Variants in RASAL2 observed in about 807,000 individuals in gnomAD.
The protein encoded by RASAL2 is RAS protein activator like 2, also known as ras GTPase-activating protein nGAP.
Under a neutral mutation model 128.9 loss-of-function variants are expected in RASAL2, and 58 were observed. The ratio of observed to expected loss-of-function variants is 0.45; its 90% CI spans 0.36 to 0.56. The LOEUF is 0.56. RASAL2 is among the 20% of genes least tolerant of loss of function. The probability of loss-of-function intolerance (pLI) is 0.00; values close to 1 mark genes in which losing one functional copy is unlikely to be tolerated. For synonymous variants in RASAL2, 561 were observed against 580.8 expected (o/e 0.97, Z 0.49); for missense variants, 1,360 against 1,601.6 (o/e 0.85, Z 2.57).
At chr1:178,267,393 G>T (rs1439605309) in intron 1 of RASAL2, among the ~76,000 whole-genome samples, 5 of 151,070 alleles carry the variant, frequency 3.3e-5, no homozygotes, top group African/African-American at 4.9e-5. Flanking sequence ...TTGGTGATTG[G>T]TTGGTTTGTT....
chr1:178,253,529 G>A (rs1324689332), intron 1 of RASAL2, among the ~76,000 whole-genome samples: 1 of 152,176 alleles, frequency 6.6e-6, no homozygotes, highest in Non-Finnish European at 1.5e-5. Flanking sequence ...CAGGCTTTGT[G>A]TGAACAATAA....
chr1:178,401,299 G>T (rs149444305), intron 4 of RASAL2, among the ~76,000 whole-genome samples: 33 of 152,276 alleles, frequency 2.2e-4, no homozygotes, highest in African/African-American at 6.5e-4. Context: ...TTTATAAAGG[G>T]TCTACAATAA....
chr1:178,273,616 T>A (rs551808926), intron 1 of RASAL2, among the ~76,000 whole-genome samples: 2 of 152,274 alleles, frequency 1.3e-5, no homozygotes, highest in South Asian at 4.1e-4. Flanking sequence ...GGAAATTAAT[T>A]TGGAGTTTTA....
chr1:178,308,055 T>C (rs1379382101), intron 3 of RASAL2, among the ~76,000 whole-genome samples: 1 of 152,210 alleles, frequency 6.6e-6, no homozygotes, highest in East Asian at 1.9e-4. Flanking sequence ...TAATATATTA[T>C]AATAAAATAT....
chr1:178,144,379 A>T (rs1214593350), intron 1 of RASAL2, among the ~76,000 whole-genome samples: 1 of 152,222 alleles, frequency 6.6e-6, no homozygotes, highest in East Asian at 1.9e-4. Context: ...TTTAAAAATC[A>T]TGTTATTCTG....
chr1:178,430,185 A>T (rs1675795084), intron 5 of RASAL2, among the ~76,000 whole-genome samples: 1 of 152,090 alleles, frequency 6.6e-6, no homozygotes, highest in Admixed American at 6.6e-5. Context: ...ATAATAAAGA[A>T]TTACAATCTT....
chr1:178,125,895 A>T (rs1259451324), intron 1 of RASAL2, among the ~76,000 whole-genome samples: 2 of 152,194 alleles, frequency 1.3e-5, no homozygotes, highest in African/African-American at 4.8e-5. Flanking sequence ...TGTATTGTTG[A>T]TATAGTACAT....
At chr1:178,214,302 TA>T (rs1663354743) in intron 1 of RASAL2, among the ~76,000 whole-genome samples, 1 of 152,076 alleles carries the variant, frequency 6.6e-6, no homozygotes, top group Non-Finnish European at 1.5e-5. Context: ...AATGGATGAA[TA>T]AATAAATAAA....
In RASAL2 at chr1:178,452,422, C is replaced by T. The variant is rs1259204454; in HGVS notation, c.1779C>T (p.Phe593=). 6 of 1,613,642 alleles carry T rather than the reference C, an allele frequency of 3.7e-6. No individual in the cohort carries two copies. In the African/African-American group the frequency reaches 4.0e-5, roughly 11 times the overall value. ...TACTTCTTTCCTTCCCTAGTGTTTT[C>T]CCTCGTGAGTTGAAAGAAGTGTTTG... ...FCKIINSYCV[F]PRELKEVFAS... is the part of the protein sequence containing the mutation. Residue 593 remains phenylalanine, a synonymous_variant, in exon 11 of 18, where the codon TTC becomes TTT. Transcript: ENST00000367649.
intron 3 of RASAL2, among the ~76,000 whole-genome samples, chr1:178,345,240 C>A (rs1028063423): frequency 6.6e-6 from 1 of 152,136 alleles, no homozygotes; most frequent in Non-Finnish European, 1.5e-5. Context: ...AAATGAGTTG[C>A]TGAAAAACAC....
chr1:178,360,770 C>T (rs1172516243), intron 3 of RASAL2, among the ~76,000 whole-genome samples: 4 of 152,106 alleles, frequency 2.6e-5, no homozygotes, highest in South Asian at 2.1e-4. Context: ...GCTGTGAGAA[C>T]GAATCTGTTG....
At position 178,420,595 on chromosome 1, in the gene RASAL2, C is replaced by T. The variant is rs1394734614; in HGVS notation, c.649C>T (p.Pro217Ser). The change falls in exon 5 of 18, where the codon CCA becomes TCA. Residue 217 changes from proline to serine, a missense_variant. Coordinates refer to ENST00000367649, the MANE Select transcript of RASAL2 (RefSeq NM_170692.4). ...TGACAGAAACACGAGCTTTCGGCTT[C>T]CATCCCTTCGCAGTACAGATGACAG... ...KLDRNTSFRL[P>S]SLRSTDDRSR... 2 of 1,611,536 alleles carry T rather than the reference C, an allele frequency of 1.2e-6. No homozygotes were observed.
At chr1:178,312,995 G>C (rs1668332120) in intron 3 of RASAL2, among the ~76,000 whole-genome samples, 1 of 152,146 alleles carries the variant, frequency 6.6e-6, no homozygotes, top group Admixed American at 6.5e-5. Flanking sequence ...GCATAGAGAG[G>C]TGAAGTAACT....
intron 1 of RASAL2, among the ~76,000 whole-genome samples, chr1:178,195,184 T>C (rs1214785555): frequency 2.6e-5 from 4 of 152,194 alleles, no homozygotes; most frequent in Admixed American, 2.6e-4. Context: ...ACTAGACAGG[T>C]GTGGCTGGGA....
At chr1:178,295,351 C>CT (rs1304573430) in intron 2 of RASAL2, among the ~76,000 whole-genome samples, 1 of 151,934 alleles carries the variant, frequency 6.6e-6, no homozygotes, top group African/African-American at 2.4e-5. Context: ...GACCTGTCCT[C>CT]TAAGTTCCCT....
intron 3 of RASAL2, among the ~76,000 whole-genome samples, chr1:178,352,676 C>T (rs1670582466): frequency 6.6e-6 from 1 of 152,230 alleles, no homozygotes; most frequent in African/African-American, 2.4e-5. Flanking sequence ...TTGTCCTCTG[C>T]ATTGCCCTAG....
At chr1:178,174,332 T>G (rs1348621048) in intron 1 of RASAL2, among the ~76,000 whole-genome samples, 1 of 152,082 alleles carries the variant, frequency 6.6e-6, no homozygotes, top group African/African-American at 2.4e-5. Context: ...GGGTTCAGAC[T>G]TCTTTCAATA....
chr1:178,159,860 G>A (rs1046949973), intron 1 of RASAL2, among the ~76,000 whole-genome samples: 7 of 151,984 alleles, frequency 4.6e-5, no homozygotes, highest in South Asian at 2.1e-4. Flanking sequence ...AGTCGAGATC[G>A]CGACACTTCA....
At chr1:178,218,697 T>A (rs990523493) in intron 1 of RASAL2, among the ~76,000 whole-genome samples, 1 of 151,976 alleles carries the variant, frequency 6.6e-6, no homozygotes, top group Admixed American at 6.6e-5. Context: ...AAAAAAAAAA[T>A]TCAGTTTGCC....
Sources: allele counts gnomAD v4.1 joint callset (sites outside exome capture counted in the v4.1 genomes callset), GRCh38; gene constraint gnomAD v4.1.1; transcripts MANE v1.5; gene names NCBI Gene and HGNC (gene_info 2026-07-23, HGNC 2026-07-21).